Variants in CNTN2 observed in about 807,000 individuals in gnomAD.
The protein encoded by CNTN2 is contactin-2.
CNTN2 carries 53 observed loss-of-function variants against 117.5 expected under a neutral mutation model. That is an observed-to-expected ratio of 0.45 (90% CI 0.36 to 0.57). The LOEUF is 0.57. Among genes scored for constraint, CNTN2 ranks in the 20% least tolerant of loss-of-function variants. The pLI, the probability that CNTN2 is intolerant of heterozygous loss-of-function variation, is 0.00. For synonymous variants in CNTN2, 530 were observed against 561.7 expected, an observed-to-expected ratio of 0.94 and a Z score of 0.80; for missense variants, 1,106 against 1,404.3, an observed-to-expected ratio of 0.79 and a Z score of 3.39.
chr1:205,046,576 T>G (rs533855504), intron 1 of CNTN2, among the ~76,000 whole-genome samples: 1 of 152,280 alleles, frequency 6.6e-6, no homozygotes, highest in East Asian at 1.9e-4. Flanking sequence ...AGGAGCAGGT[T>G]GGACCTCACC....
Position 205,061,028 on chromosome 1 carries a change from G to T in CNTN2, c.798-217G>T. 1 of 538,236 alleles carries T rather than the reference G, an allele frequency of 1.9e-6. No individual in the cohort carries two copies. Among genetic ancestry groups the T allele is most frequent in the Non-Finnish European group, 3.3e-6 (1 of 305,374 alleles). The allele number at this position is 538,236 out of a possible 1,614,324, so 33.3% of individuals were successfully genotyped here. ...GCTCCAGGGTTGTTGCAGGGGGGAT[G>T]GGTAGAGCAGCCCTGCCTCTTGCCC... is the stretch of plus-strand genomic sequence containing the variant. On this transcript the variant is annotated intron_variant, in intron 7 of 22. Coordinates refer to ENST00000331830, the MANE Select transcript of CNTN2 (RefSeq NM_005076.5). The surrounding 1 kb of genome is among the most constrained non-coding windows in gnomAD (Gnocchi z 4.8).
At chr1:205,071,865 A>T in intron 19 of CNTN2, 82 bp from the exon 20 acceptor site, 1 of 1,338,540 alleles carries the variant, frequency 7.5e-7, no homozygotes, top group Non-Finnish European at 1.0e-6. Flanking sequence ...GATGAGCAAG[A>T]GAGGAACAGA....
At chr1:205,062,159 C>T (rs1212376101) in intron 9 of CNTN2, 158 bp downstream of exon 9, 2 of 950,996 alleles carry the variant, frequency 2.1e-6, no homozygotes, top group African/African-American at 1.7e-5. Context: ...TTCTTCCCAT[C>T]CCAGTCCCAT....
Position 205,059,753 on chromosome 1 carries a change from G to A in CNTN2, c.797+71G>A. ...CACAGGTGACCCCAGGGTGAGGGCA[G>A]GCAGAGTCAGGGCTCTTATCTTGGT... On this transcript the variant is annotated intron_variant, in intron 7 of 22. Transcript: ENST00000331830. The surrounding 1 kb of genome is among the most constrained non-coding windows in gnomAD (Gnocchi z 5.6). 7.7e-7 allele frequency: 1 copy of A among 1,297,782 alleles called. No homozygotes were observed. Among genetic ancestry groups the A allele is most frequent in the Non-Finnish European group, 1.1e-6 (1 of 901,342 alleles). 80.4% of individuals were successfully genotyped at this position (1,297,782 alleles called of 1,614,324 possible).
At position 205,048,977 on chromosome 1, in the gene CNTN2, C is replaced by T. The variant is rs532063112; in HGVS notation, c.-86-4123C>T. On this transcript the variant is annotated intron_variant, in intron 1 of 22. Coordinates refer to ENST00000331830, the MANE Select transcript of CNTN2 (RefSeq NM_005076.5). The surrounding 1 kb of genome is among the most constrained non-coding windows in gnomAD (Gnocchi z 4.1). ...TGTGTGTGTTCACCCAAGGCTGTGG[C>T]ACACAATGGAGCTCAATATACATCT... Among the ~76,000 whole-genome samples, 4 of 149,550 alleles carry T rather than the reference C, an allele frequency of 2.7e-5. No homozygotes were observed. The East Asian group carries it at 8.2e-4, about 31-fold the overall frequency.
In CNTN2 at chr1:205,059,289, T is replaced by C. The variant is rs772276060; in HGVS notation, c.693T>C (p.Ala231=). Reference sequence around the variant, plus strand: ...AGTTTGCTCAGCTCAACCTGGCTGCTGAAGGTCAGGCTTGGCCAGGCGTGG... The same window carrying C: ...AGTTTGCTCAGCTCAACCTGGCTGCCGAAGGTCAGGCTTGGCCAGGCGTGG... ...FSKFAQLNLA[A]EDTRLFAPSI... is the part of the protein sequence containing the mutation. Residue 231 remains alanine, a synonymous_variant, in exon 6 of 23, where the codon GCT becomes GCC. Transcript: ENST00000331830. This position sits in a 1 kb window ranked among gnomAD's most constrained non-coding sequence, Gnocchi z 5.6. The C allele has an allele frequency of 1.2e-6, 2 of 1,613,458 alleles. No homozygotes were observed. Among genetic ancestry groups the C allele is most frequent in the South Asian group, 1.1e-5 (1 of 90,914 alleles).
rs149762176 is a variant in CNTN2 at position 205,067,229 on chromosome 1, A to G, written c.2104A>G (p.Lys702Glu). 31 of 1,613,626 alleles carry G rather than the reference A, an allele frequency of 1.9e-5. No homozygotes were observed. The Middle Eastern group carries it at 1.3e-3, about 69-fold the overall frequency. Residue 702 changes from lysine to glutamate, a missense_variant, in exon 16 of 23, where the codon AAA becomes GAA. Physicochemically the swap from Lys to Glu is moderately conservative, Grantham distance 56 (BLOSUM62 1). Transcript: ENST00000331830. ...GTGEPSGPSS[K>E]IRTREAAPSV... Reference sequence around the variant, plus strand: ...TGGGGAGCCTAGTGGGCCCTCCAGCAAAATCCGGACCAGGGAAGCAGGTGA... The same window carrying G: ...TGGGGAGCCTAGTGGGCCCTCCAGCGAAATCCGGACCAGGGAAGCAGGTGA...
In CNTN2 at chr1:205,073,550, C is replaced by T. The variant is rs138906196; in HGVS notation, c.3014-106C>T. The T allele has an allele frequency of 2.2e-4, 221 of 1,018,742 alleles. No homozygotes were observed. Among genetic ancestry groups the T allele is most frequent in the South Asian group, 4.9e-4 (35 of 70,916 alleles). 63.1% of individuals were successfully genotyped at this position (1,018,742 alleles called of 1,614,324 possible). On this transcript the variant is annotated intron_variant, in intron 22 of 22. Coordinates refer to ENST00000331830, the MANE Select transcript of CNTN2 (RefSeq NM_005076.5). The surrounding 1 kb of genome is among the most constrained non-coding windows in gnomAD (Gnocchi z 6.3). The stretch of plus-strand genomic sequence containing the variant: ...GACCACCCAGCCGTCCGCTCCCAGG[C>T]CTGCAGCTGGCCCTGTGAGTCTCCT...
chr1:205,046,284 C>T (rs1032468494), intron 1 of CNTN2, among the ~76,000 whole-genome samples: 4 of 152,218 alleles, frequency 2.6e-5, no homozygotes, highest in African/African-American at 9.7e-5. Context: ...CCAGGACACA[C>T]TCAGGCCCAA....
Position 205,070,048 on chromosome 1 carries a change from C to A in CNTN2, c.2418C>A (p.Tyr806Ter). 6.2e-7 allele frequency: 1 copy of A among 1,613,738 alleles called. No homozygotes were observed. Among genetic ancestry groups the A allele is most frequent in the Non-Finnish European group, 8.5e-7 (1 of 1,180,024 alleles). Residue 806 changes from tyrosine to a stop codon, truncating the protein, a stop_gained, in exon 18 of 23, where the codon TAC becomes TAA. Coordinates refer to ENST00000331830, the MANE Select transcript of CNTN2 (RefSeq NM_005076.5). LOFTEE classifies it high-confidence loss of function. ...DGPESLTALV[Y>*]SAEEEPRVAP... The stretch of plus-strand genomic sequence containing the variant: ...CCGAGAGCCTCACTGCACTCGTGTA[C>A]TCAGCTGAGGAAGGTGGGCTGCCCC...
In CNTN2 at chr1:205,059,768, C is replaced by A. The variant is rs991232223; in HGVS notation, c.797+86C>A. 26 of 1,122,112 alleles carry A rather than the reference C, an allele frequency of 2.3e-5. No homozygotes were observed. The highest frequency in any genetic ancestry group is 2.2e-4 in the Middle Eastern group (1 of 4,526). 69.5% of individuals were successfully genotyped at this position (1,122,112 alleles called of 1,614,324 possible). A position where few individuals can be genotyped will look rare whatever the true frequency, so the allele number is the denominator to read the frequency against. ...GGTGAGGGCAGGCAGAGTCAGGGCT[C>A]TTATCTTGGTGTCCCTCACAGGGTC... On this transcript the variant is annotated intron_variant, in intron 7 of 22. Transcript: ENST00000331830. This position sits in a 1 kb window ranked among gnomAD's most constrained non-coding sequence, Gnocchi z 5.6.
chr1:205,064,999 T>C (rs931854233), intron 12 of CNTN2, 88 bp from the exon 13 acceptor site: 57 of 1,447,378 alleles, frequency 3.9e-5, no homozygotes, highest in Non-Finnish European at 5.2e-5. Flanking sequence ...TGCTGGGCCT[T>C]AGGACAGAGC....
chr1:205,061,267 C>A lies in CNTN2; in HGVS notation c.820C>A (p.Arg274Ser), dbSNP rs1473353987. 4.3e-6 allele frequency: 7 copies of A among 1,612,430 alleles called. No individual in the cohort carries two copies. The change falls in exon 8 of 23, where the codon CGC (arginine) becomes AGC (serine). Residue 274 changes from arginine (R) to serine (S), a missense_variant. Transcript: ENST00000331830. This position sits in a 1 kb window ranked among gnomAD's most constrained non-coding sequence, Gnocchi z 4.8. The part of the protein sequence containing the change: ...FGNPVPRIKW[R>S]KVDGSLSPQW... ...CAGCCCTGTCCCCCGGATCAAGTGG[C>A]GCAAAGTGGACGGCTCCCTGTCCCC... is the stretch of plus-strand genomic sequence containing the variant.
chr1:205,056,274 G>A (rs769974305), intron 2 of CNTN2, among the ~76,000 whole-genome samples: 4 of 152,164 alleles, frequency 2.6e-5, no homozygotes, highest in African/African-American at 4.8e-5. Context: ...GCCTCCCAGC[G>A]CCTCCTTTGC....
intron 7 of CNTN2, chr1:205,060,970 G>A: frequency 2.5e-6 from 1 of 401,890 alleles, no homozygotes; most frequent in Non-Finnish European, 4.5e-6. Context: ...GCCAGCTTCA[G>A]GGTGCAGACC....
At chr1:205,064,281 G>A in intron 10 of CNTN2, 41 bp from the exon 11 acceptor site, 2 of 1,520,582 alleles carry the variant, frequency 1.3e-6, no homozygotes, top group Non-Finnish European at 1.8e-6. Flanking sequence ...TTAATCAAGG[G>A]TGACAGTACT....
At position 205,075,085 on chromosome 1, in the gene CNTN2, G is replaced by T. The variant is rs1353108731; in HGVS notation, c.*1320G>T. On this transcript the variant is annotated 3_prime_UTR_variant, in exon 23 of 23. Coordinates refer to ENST00000331830, the MANE Select transcript of CNTN2 (RefSeq NM_005076.5). The stretch of plus-strand genomic sequence containing the variant: ...CCAGAGAGGGTCTGGGATTCCCAAG[G>T]TCACACAGCCCAGAAGAGATGGGGC... 1 of 395,546 alleles carries T rather than the reference G, an allele frequency of 2.5e-6. No homozygotes were observed. Among genetic ancestry groups the T allele is most frequent in the Non-Finnish European group, 4.5e-6 (1 of 224,614 alleles). The allele number at this position is 395,546 out of a possible 1,614,324, so 24.5% of individuals were successfully genotyped here.
Position 205,058,802 on chromosome 1 carries a change from G to A in CNTN2, c.487+139G>A, listed in dbSNP as rs565690131. On this transcript the variant is annotated intron_variant, in intron 5 of 22. Coordinates refer to ENST00000331830, the MANE Select transcript of CNTN2 (RefSeq NM_005076.5). The surrounding 1 kb of genome is among the most constrained non-coding windows in gnomAD (Gnocchi z 4.3). Reference sequence around the variant, plus strand: ...CATCCCTGGGACCCTAACTTTAAATGATCTGTGTTTCCTTTATAGGTCTGT... The same window carrying A: ...CATCCCTGGGACCCTAACTTTAAATAATCTGTGTTTCCTTTATAGGTCTGT... 394 of 695,292 alleles carry A rather than the reference G, an allele frequency of 5.7e-4. 1 individual carries two copies. The highest frequency in any genetic ancestry group is 8.7e-4 in the Non-Finnish European group (362 of 417,260). 43.1% of individuals were successfully genotyped at this position (695,292 alleles called of 1,614,324 possible). A position where few individuals can be genotyped will look rare whatever the true frequency, so the allele number is the denominator to read the frequency against.
chr1:205,045,874 A>G (rs2096440755), intron 1 of CNTN2, among the ~76,000 whole-genome samples: 2 of 152,256 alleles, frequency 1.3e-5, no homozygotes, highest in South Asian at 4.1e-4. Flanking sequence ...GTCCAAGGTT[A>G]GAGAGTCCTG....
Sources: allele counts gnomAD v4.1 joint callset (sites outside exome capture counted in the v4.1 genomes callset), GRCh38; gene constraint gnomAD v4.1.1; non-coding constraint Gnocchi (gnomAD v3.1); transcripts MANE v1.5; gene names NCBI Gene and HGNC (gene_info 2026-07-23, HGNC 2026-07-21).